The following CNTNAP2 variants were observed in gnomAD, a reference collection of about 807,000 sequenced individuals.
CNTNAP2 encodes contactin-associated protein-like 2.
A neutral mutation model predicts 155.2 loss-of-function variants in CNTNAP2; 98 were observed. The observed-to-expected ratio is 0.63, with a 90% CI of 0.54 to 0.75. CNTNAP2 has a LOEUF of 0.75. CNTNAP2 is among the 30% of genes least tolerant of loss of function. CNTNAP2 has a pLI of 0.00. For synonymous variants in CNTNAP2, 651 were observed against 631.2 expected, an observed-to-expected ratio of 1.03 and a Z score of -0.47; for missense variants, 1,727 against 1,688.1, an observed-to-expected ratio of 1.02 and a Z score of -0.40.
intron 8 of CNTNAP2, among the ~76,000 whole-genome samples, chr7:147,187,631 G>T (rs1802594105): frequency 1.3e-5 from 2 of 152,212 alleles, no homozygotes. Flanking sequence ...TGGGGCAAGG[G>T]CTGAAAAACT....
In CNTNAP2 at chr7:146,559,677, G is replaced by A. The variant is rs767109467; in HGVS notation, c.98-214594G>A. 1.6e-4 allele frequency among the ~76,000 whole-genome samples: 25 copies of A among 152,082 alleles called. 1 individual carries two copies. The highest frequency in any genetic ancestry group is 2.4e-4 in the Non-Finnish European group (16 of 68,004). On this transcript the variant is annotated intron_variant, in intron 1 of 23. Coordinates refer to ENST00000361727, the MANE Select transcript of CNTNAP2 (RefSeq NM_014141.6). ...TATTGTGGAAAGTGCCTGTATAACA[G>A]AATATTTTTTGAATATCATAAGTTT...
At chr7:147,618,628 G>C (rs992216589) in intron 12 of CNTNAP2, among the ~76,000 whole-genome samples, 3 of 144,258 alleles carry the variant, frequency 2.1e-5, no homozygotes, top group African/African-American at 8.2e-5. Context: ...TCAGGAAACA[G>C]CTATAAAATG....
At chr7:148,412,547 C>A (rs996578456) in intron 23 of CNTNAP2, among the ~76,000 whole-genome samples, 1 of 152,212 alleles carries the variant, frequency 6.6e-6, no homozygotes. Flanking sequence ...TTTATATCAG[C>A]CTTGCCTTCT....
At chr7:146,920,833 T>C (rs2129219902) in intron 3 of CNTNAP2, among the ~76,000 whole-genome samples, 1 of 152,310 alleles carries the variant, frequency 6.6e-6, no homozygotes, top group African/African-American at 2.4e-5. Flanking sequence ...GTTTCCTTTT[T>C]TCTAATTTTG....
At chr7:148,015,606 G>T (rs905625841) in intron 15 of CNTNAP2, among the ~76,000 whole-genome samples, 4 of 152,142 alleles carry the variant, frequency 2.6e-5, no homozygotes, top group African/African-American at 9.7e-5. Context: ...TATCCAGTGT[G>T]CTAACTGACC....
At chr7:147,006,235 G>T (rs1798521308) in intron 3 of CNTNAP2, among the ~76,000 whole-genome samples, 2 of 151,990 alleles carry the variant, frequency 1.3e-5, no homozygotes, top group Non-Finnish European at 2.9e-5. Flanking sequence ...GGTACTAGTT[G>T]GGAAAGTGGC....
intron 2 of CNTNAP2, among the ~76,000 whole-genome samples, chr7:146,813,403 G>C (rs895837762): frequency 1.2e-4 from 19 of 152,190 alleles, no homozygotes; most frequent in African/African-American, 4.6e-4. Context: ...AGTCAAAGGA[G>C]ATAACTTTGG....
intron 3 of CNTNAP2, among the ~76,000 whole-genome samples, chr7:147,028,963 T>C (rs1409514862): frequency 7.1e-6 from 1 of 141,388 alleles, no homozygotes. Context: ...TATGTTCTTT[T>C]TTTTTTTTTT....
intron 11 of CNTNAP2, among the ~76,000 whole-genome samples, chr7:147,508,704 G>T (rs190556906): frequency 6.6e-6 from 1 of 152,236 alleles, no homozygotes; most frequent in African/African-American, 2.4e-5. Context: ...AGATTTTCCC[G>T]TGCTGTTCTC....
At chr7:146,893,070 G>T (rs1795811933) in intron 3 of CNTNAP2, among the ~76,000 whole-genome samples, 1 of 152,098 alleles carries the variant, frequency 6.6e-6, no homozygotes, top group Non-Finnish European at 1.5e-5. Context: ...ATGGACTTTT[G>T]TGGTCTGATA....
At chr7:147,828,096 G>T (rs898451990) in intron 13 of CNTNAP2, among the ~76,000 whole-genome samples, 1 of 152,144 alleles carries the variant, frequency 6.6e-6, no homozygotes, top group African/African-American at 2.4e-5. Context: ...CTAGAAAAAA[G>T]GGGGAAGAAA....
intron 14 of CNTNAP2, among the ~76,000 whole-genome samples, chr7:147,923,697 A>T (rs959939697): frequency 3.6e-4 from 54 of 151,312 alleles, no homozygotes; most frequent in African/African-American, 1.3e-3. Context: ...AAAAAAAAAA[A>T]ATTTCTAGAG....
chr7:148,261,748 T>A (rs1312567044), intron 20 of CNTNAP2, among the ~76,000 whole-genome samples: 1 of 152,106 alleles, frequency 6.6e-6, no homozygotes, highest in African/African-American at 2.4e-5. Context: ...CAGAGGTCTG[T>A]GGGCAGGTTG....
At chr7:147,274,043 G>GAC (rs1270606897) in intron 8 of CNTNAP2, among the ~76,000 whole-genome samples, 1 of 149,776 alleles carries the variant, frequency 6.7e-6, no homozygotes, top group Non-Finnish European at 1.5e-5. Flanking sequence ...TACACACACA[G>GAC]ACACACACAC....
chr7:146,206,772 C>T (rs554312273), intron 1 of CNTNAP2, among the ~76,000 whole-genome samples: 1 of 152,016 alleles, frequency 6.6e-6, no homozygotes, highest in Admixed American at 6.5e-5. Context: ...CAGACCTCAA[C>T]AACAACACTT....
intron 8 of CNTNAP2, among the ~76,000 whole-genome samples, chr7:147,259,945 G>A (rs1804419143): frequency 6.6e-6 from 1 of 152,190 alleles, no homozygotes; most frequent in African/African-American, 2.4e-5. Context: ...GCTTATAGCT[G>A]TAACTGAGTA....
intron 1 of CNTNAP2, among the ~76,000 whole-genome samples, chr7:146,638,428 C>T (rs527411540): frequency 9.6e-4 from 142 of 148,116 alleles, no homozygotes; most frequent in African/African-American, 3.4e-3. Context: ...TGCAGATCTT[C>T]ATGGATCAGA....
At chr7:147,884,950 T>C (rs578014661) in intron 13 of CNTNAP2, among the ~76,000 whole-genome samples, 1 of 152,356 alleles carries the variant, frequency 6.6e-6, no homozygotes, top group East Asian at 1.9e-4. Context: ...AGGCTTGATA[T>C]GAGACCTCAG....
At chr7:147,284,279 C>T (rs13230750) in intron 8 of CNTNAP2, among the ~76,000 whole-genome samples, 5,202 of 151,468 alleles carry the variant, frequency 0.034, 121 homozygotes, top group Non-Finnish European at 0.052. Flanking sequence ...TCTTGTAATT[C>T]AGCTGGAATG....
Sources: gnomAD v4.1 joint callset for allele counts (sites outside exome capture counted in the v4.1 genomes callset) on GRCh38, gnomAD v4.1.1 for gene constraint, MANE v1.5 for transcripts, NCBI Gene and HGNC (gene_info 2026-07-23, HGNC 2026-07-21) for gene names.